The following ZNF462 variants were observed in gnomAD, a reference collection of about 807,000 sequenced individuals.
ZNF462 encodes zinc finger PBX1-interacting protein.
In ZNF462, 10 loss-of-function variants were observed where a neutral mutation model predicts 201.9. The ratio of observed to expected loss-of-function variants is 0.05; its 90% CI spans 0.03 to 0.08. ZNF462 has a LOEUF of 0.08. Ranked by LOEUF, ZNF462 falls within the 10% of genes least tolerant of loss-of-function variation. The probability of loss-of-function intolerance (pLI) is 1.00; values close to 1 mark genes in which losing one functional copy is unlikely to be tolerated. For synonymous variants in ZNF462, 1,227 were observed against 1,193.3 expected, an observed-to-expected ratio of 1.03 and a Z score of -0.58; for missense variants, 2,523 against 3,168.3, an observed-to-expected ratio of 0.80 and a Z score of 4.89.
chr9:106,923,303 G>T lies in ZNF462; in HGVS notation c.-30-51G>T, dbSNP rs1830058524. ...GGATATATAGCCCCATCAGCTCGAG[G>T]TATGTGATTAGTGCATTCCTTAAGA... On this transcript the variant is annotated intron_variant, in intron 1 of 12. Coordinates refer to ENST00000277225, the MANE Select transcript of ZNF462 (RefSeq NM_021224.6). This position sits in a 1 kb window ranked among gnomAD's most constrained non-coding sequence, Gnocchi z 5.6. The T allele has an allele frequency of 1.4e-5, 19 of 1,364,892 alleles. No homozygotes were observed. The South Asian group carries it at 2.0e-4, about 14-fold the overall frequency. The allele number at this position is 1,364,892 out of a possible 1,614,324, so 84.5% of individuals were successfully genotyped here. A position where few individuals can be genotyped will look rare whatever the true frequency, so the allele number is the denominator to read the frequency against.
chr9:106,959,328 G>A (rs1831723341), intron 7 of ZNF462, among the ~76,000 whole-genome samples: 1 of 152,134 alleles, frequency 6.6e-6, no homozygotes, highest in Non-Finnish European at 1.5e-5. Context: ...TTACAGCTGT[G>A]TCAGAGATCC....
chr9:106,934,818 G>A (rs972799971), intron 5 of ZNF462, among the ~76,000 whole-genome samples: 16 of 152,112 alleles, frequency 1.1e-4, no homozygotes, highest in Admixed American at 3.3e-4. Context: ...CTAGGGGTTC[G>A]TTGTAATTAA....
At chr9:106,995,910 C>T (rs1828686705) in intron 10 of ZNF462, among the ~76,000 whole-genome samples, 1 of 152,164 alleles carries the variant, frequency 6.6e-6, no homozygotes, top group African/African-American at 2.4e-5. Flanking sequence ...TGGTGTGCTG[C>T]ACCCATTAAC....
chr9:106,969,131 T>C (rs1426876377), intron 7 of ZNF462, among the ~76,000 whole-genome samples: 1 of 152,034 alleles, frequency 6.6e-6, no homozygotes, highest in Non-Finnish European at 1.5e-5. Context: ...CCTAAGAAAA[T>C]CCAAAAAGTT....
rs1389891200 is a variant in ZNF462 at position 106,905,415 on chromosome 9, G to A, written c.-30-17939G>A. On this transcript the variant is annotated intron_variant, in intron 1 of 12. Transcript: ENST00000277225. The surrounding 1 kb of genome is among the most constrained non-coding windows in gnomAD (Gnocchi z 5.9). ...CTCATTGGCCTCCTGCCAGGAGGTG[G>A]CACTTTCTAAAAACTGTCAGCTATA... Among the ~76,000 whole-genome samples, 3 of 152,164 alleles carry A rather than the reference G, an allele frequency of 2.0e-5. No individual in the cohort carries two copies. The highest frequency in any genetic ancestry group is 4.4e-5 in the Non-Finnish European group (3 of 68,022).
chr9:106,987,626 G>GGAAC (rs1446044468), intron 10 of ZNF462, among the ~76,000 whole-genome samples: 3 of 152,152 alleles, frequency 2.0e-5, no homozygotes, highest in African/African-American at 7.2e-5. Context: ...TGTTTACTCT[G>GGAAC]CTAACTATTC....
intron 1 of ZNF462, among the ~76,000 whole-genome samples, chr9:106,900,994 A>T (rs1829041736): frequency 6.6e-6 from 1 of 152,072 alleles, no homozygotes; most frequent in South Asian, 2.1e-4. Context: ...TTCCAATGTT[A>T]TCTTCTAAAA....
At chr9:106,901,766 G>A (rs1829073947) in intron 1 of ZNF462, among the ~76,000 whole-genome samples, 1 of 152,118 alleles carries the variant, frequency 6.6e-6, no homozygotes. Context: ...CATTAATGCT[G>A]TATCTAGAAA....
At chr9:106,889,394 A>G (rs1213559407) in intron 1 of ZNF462, among the ~76,000 whole-genome samples, 1 of 152,158 alleles carries the variant, frequency 6.6e-6, no homozygotes, top group African/African-American at 2.4e-5. Flanking sequence ...TGGATTTGAA[A>G]GTAATGCCGT....
rs1464182418 is a variant in ZNF462 at position 106,962,293 on chromosome 9, G to T, written c.6428-9712G>T. On this transcript the variant is annotated intron_variant, in intron 7 of 12. Transcript: ENST00000277225. The surrounding 1 kb of genome is among the most constrained non-coding windows in gnomAD (Gnocchi z 4.6). ...GAACCAACAGAGCTTTTGACTCATT[G>T]AATGTGTGGAATGAAAGAGAGAAAT... Among the ~76,000 whole-genome samples, 1 of 152,052 alleles carries T rather than the reference G, an allele frequency of 6.6e-6. No individual in the cohort carries two copies. Among genetic ancestry groups the T allele is most frequent in the Non-Finnish European group, 1.5e-5 (1 of 67,972 alleles).
At position 106,926,630 on chromosome 9, in the gene ZNF462, C is replaced by T. The variant is rs753932400; in HGVS notation, c.2718C>T (p.Gly906=). 2.6e-5 allele frequency: 42 copies of T among 1,613,886 alleles called. No homozygotes were observed. Among genetic ancestry groups the T allele is most frequent in the African/African-American group, 6.7e-5 (5 of 74,898 alleles). The change falls in exon 3 of 13, where the codon GGC becomes GGT. Residue 906 remains glycine, a synonymous_variant. Coordinates refer to ENST00000277225, the MANE Select transcript of ZNF462 (RefSeq NM_021224.6). This position sits in a 1 kb window ranked among gnomAD's most constrained non-coding sequence, Gnocchi z 7.9. ...TNFEDLQQHY[G]EHHPEAMNVL... is the part of the protein sequence containing the mutation. Reference sequence around the variant, plus strand: ...TCGAAGATCTCCAGCAGCATTATGGCGAGCACCACCCAGAAGCCATGAATG... The same window carrying T: ...TCGAAGATCTCCAGCAGCATTATGGTGAGCACCACCCAGAAGCCATGAATG...
In ZNF462 at chr9:106,946,751, T is replaced by C. The variant is rs113226762; in HGVS notation, c.6427+7644T>C. On this transcript the variant is annotated intron_variant, in intron 7 of 12. Coordinates refer to ENST00000277225, the MANE Select transcript of ZNF462 (RefSeq NM_021224.6). ...TGGGAGGCTGAGGCAAGAGGATCTC[T>C]TGAGGCCAGGAGTTCAAGACCAGCG... is the stretch of plus-strand genomic sequence containing the variant. Among the ~76,000 whole-genome samples, 388 of 152,218 alleles carry C rather than the reference T, an allele frequency of 2.5e-3. 1 individual carries two copies. The highest frequency in any genetic ancestry group is 0.017 in the Middle Eastern group (5 of 294).
chr9:106,926,991 G>C lies in ZNF462; in HGVS notation c.3079G>C (p.Val1027Leu). The change falls in exon 3 of 13, where the codon GTT (valine) becomes CTT (leucine). Residue 1027 changes from valine (V) to leucine (L), a missense_variant. By Grantham distance (32) the Val-to-Leu change is conservative. Around this residue, in one of 15 missense-constraint regions of ZNF462, gnomAD observed 280 missense variants for 321.3 expected, o/e 0.87. Coordinates refer to ENST00000277225, the MANE Select transcript of ZNF462 (RefSeq NM_021224.6). This position sits in a 1 kb window ranked among gnomAD's most constrained non-coding sequence, Gnocchi z 7.9. Reference protein sequence around the residue: ...ENQKDPLVNTVVVYDCDVCSF... With the variant: ...ENQKDPLVNTLVVYDCDVCSF... ...TCAGAAGGACCCTTTGGTCAACACTGTTGTTGTTTATGATTGTGATGTTTG... is the reference window on the plus strand; with the variant it reads ...TCAGAAGGACCCTTTGGTCAACACTCTTGTTGTTTATGATTGTGATGTTTG... The C allele has an allele frequency of 6.2e-7, 1 of 1,614,166 alleles. No individual in the cohort carries two copies. Among genetic ancestry groups the C allele is most frequent in the African/African-American group, 1.3e-5 (1 of 75,024 alleles).
Position 107,009,305 on chromosome 9 carries a change from A to T in ZNF462, c.7190-240A>T. 1 of 470,178 alleles carries T rather than the reference A, an allele frequency of 2.1e-6. No individual in the cohort carries two copies. Among genetic ancestry groups the T allele is most frequent in the Non-Finnish European group, 3.8e-6 (1 of 266,432 alleles). The allele number at this position is 470,178 out of a possible 1,614,324, so 29.1% of individuals were successfully genotyped here. ...AGAAAGACCCAGATTTTGTGATAGA[A>T]GCATTGGGGAGGTGAGGCGAAATGA... On this transcript the variant is annotated intron_variant, in intron 11 of 12. Coordinates refer to ENST00000277225, the MANE Select transcript of ZNF462 (RefSeq NM_021224.6). The surrounding 1 kb of genome is among the most constrained non-coding windows in gnomAD (Gnocchi z 6.1).
In ZNF462 at chr9:106,935,919, A is replaced by T. The variant is rs1452419215; in HGVS notation, c.6235+298A>T. The stretch of plus-strand genomic sequence containing the variant: ...TTGGTGATTTTTACAGAAATTTCTA[A>T]ACTGCCTATACTTTCTAATTCAATT... On this transcript the variant is annotated intron_variant, in intron 6 of 12. Coordinates refer to ENST00000277225, the MANE Select transcript of ZNF462 (RefSeq NM_021224.6). The surrounding 1 kb of genome is among the most constrained non-coding windows in gnomAD (Gnocchi z 4.1). 2.0e-5 allele frequency among the ~76,000 whole-genome samples: 3 copies of T among 152,238 alleles called. No homozygotes were observed. The highest frequency in any genetic ancestry group is 4.4e-5 in the Non-Finnish European group (3 of 68,042).
chr9:106,967,817 G>A (rs1055038081), intron 7 of ZNF462, among the ~76,000 whole-genome samples: 1 of 152,098 alleles, frequency 6.6e-6, no homozygotes, highest in Non-Finnish European at 1.5e-5. Flanking sequence ...TGTCTCCTGT[G>A]TGGTCCCTTA....
chr9:106,935,570 A>G lies in ZNF462; in HGVS notation c.6184A>G (p.Lys2062Glu). ...ATTCCGATGCAAACTCTGCTCCTTCAAGTCCTCCTATAACAGCCGGCTGAA... is the reference window on the plus strand; with the variant it reads ...ATTCCGATGCAAACTCTGCTCCTTCGAGTCCTCCTATAACAGCCGGCTGAA... Reference protein sequence around the residue: ...KPFRCKLCSFKSSYNSRLKTH... With the variant: ...KPFRCKLCSFESSYNSRLKTH... Residue 2062 changes from lysine (K) to glutamate (E), a missense_variant, in exon 6 of 13, where the codon AAG becomes GAG. Around this residue, in one of 15 missense-constraint regions of ZNF462, gnomAD observed 138 missense variants for 146.3 expected, o/e 0.94. Coordinates refer to ENST00000277225, the MANE Select transcript of ZNF462 (RefSeq NM_021224.6). This position sits in a 1 kb window ranked among gnomAD's most constrained non-coding sequence, Gnocchi z 4.1. The G allele has an allele frequency of 6.2e-7, 1 of 1,614,038 alleles. No homozygotes were observed. Among genetic ancestry groups the G allele is most frequent in the Non-Finnish European group, 8.5e-7 (1 of 1,179,962 alleles).
At chr9:106,909,551 C>A (rs926267908) in intron 1 of ZNF462, among the ~76,000 whole-genome samples, 3 of 152,150 alleles carry the variant, frequency 2.0e-5, no homozygotes, top group Non-Finnish European at 4.4e-5. Context: ...GCTGCATTCT[C>A]TGACTATGCT....
intron 7 of ZNF462, among the ~76,000 whole-genome samples, chr9:106,944,400 A>C (rs1330287655): frequency 6.6e-6 from 1 of 152,204 alleles, no homozygotes; most frequent in Non-Finnish European, 1.5e-5. Context: ...AGTTTTTCTA[A>C]ACATTAGAGA....
Sources: gnomAD v4.1 joint callset for allele counts (sites outside exome capture counted in the v4.1 genomes callset) on GRCh38, gnomAD v4.1.1 for gene constraint, gnomAD v4.1.1 regional missense constraint, Gnocchi (gnomAD v3.1) non-coding constraint, MANE v1.5 for transcripts, NCBI Gene and HGNC (gene_info 2026-07-23, HGNC 2026-07-21) for gene names.